Variants in ZNF722 observed in about 807,000 individuals in gnomAD.
ZNF722 encodes the protein zinc finger protein 722, also known as zinc finger protein 479 pseudogene.
the ZNF722 span, among the ~76,000 whole-genome samples, chr7:64,003,280 A>G: frequency 2.4e-3 from 364 of 149,986 alleles, 1 homozygote; most frequent in African/African-American, 8.3e-3. Flanking sequence ...GGAGAAGCTC[A>G]TTGTTCTCTC....
the ZNF722 span, among the ~76,000 whole-genome samples, chr7:64,009,161 T>C: frequency 6.6e-6 from 1 of 152,186 alleles, no homozygotes; most frequent in East Asian, 1.9e-4. Flanking sequence ...CAATGGGGTT[T>C]TGTAAATATA....
chr7:64,011,143 C>G, the ZNF722 span, among the ~76,000 whole-genome samples: 6 of 151,932 alleles, frequency 3.9e-5, no homozygotes, highest in Non-Finnish European at 7.4e-5. Flanking sequence ...CTATGGATGT[C>G]TCTGCATGTG....
the ZNF722 span, among the ~76,000 whole-genome samples, chr7:64,005,157 G>C: frequency 6.6e-6 from 1 of 152,076 alleles, no homozygotes; most frequent in African/African-American, 2.4e-5. Flanking sequence ...AAATCAGCCA[G>C]GCATGGTGGC....
At chr7:64,008,688 G>T in the ZNF722 span, among the ~76,000 whole-genome samples, 1 of 152,174 alleles carries the variant, frequency 6.6e-6, no homozygotes, top group Non-Finnish European at 1.5e-5. Flanking sequence ...GATGCCTCCA[G>T]CTTTGTTCTT....
At chr7:64,004,425 A>AAAAAAAAAAAAAAATATATATATATAT in the ZNF722 span, among the ~76,000 whole-genome samples, 1 of 61,116 alleles carries the variant, frequency 1.6e-5, no homozygotes, top group African/African-American at 8.0e-5. Flanking sequence ...AAAAAAAAAA[A>AAAAAAAAAAAAAAATATATATATATAT]ATATATATAT....
the ZNF722 span, among the ~76,000 whole-genome samples, chr7:64,013,234 GT>G: frequency 6.6e-6 from 1 of 151,816 alleles, no homozygotes; most frequent in Non-Finnish European, 1.5e-5. Context: ...AGGTCTTAAT[GT>G]TTATAATTTT....
At chr7:64,008,853 A>G in the ZNF722 span, among the ~76,000 whole-genome samples, 2 of 152,096 alleles carry the variant, frequency 1.3e-5, no homozygotes, top group African/African-American at 4.8e-5. Flanking sequence ...CATTTTCACA[A>G]TATTCATTCT....
At chr7:63,999,431 T>C in the ZNF722 span, among the ~76,000 whole-genome samples, 2 of 152,288 alleles carry the variant, frequency 1.3e-5, no homozygotes, top group South Asian at 4.1e-4. Flanking sequence ...ATTAGAGAAC[T>C]TGATCAAAGT....
chr7:63,998,999 T>C, the ZNF722 span: 1 of 1,575,816 alleles, frequency 6.3e-7, no homozygotes, highest in Non-Finnish European at 8.7e-7. Context: ...AGCCGAGAAA[T>C]GGTGAGTGCT....
At chr7:64,007,362 G>T in the ZNF722 span, among the ~76,000 whole-genome samples, 3 of 151,886 alleles carry the variant, frequency 2.0e-5, 1 homozygote, top group South Asian at 6.2e-4. Flanking sequence ...ATGTACATTA[G>T]GTATTTCTCC....
chr7:64,013,493 G>T, the ZNF722 span, among the ~76,000 whole-genome samples: 1 of 151,540 alleles, frequency 6.6e-6, no homozygotes, highest in South Asian at 2.1e-4. Context: ...ACCTGTTAAA[G>T]TTACAACAGT....
At chr7:64,004,441 T>TATATAC in the ZNF722 span, among the ~76,000 whole-genome samples, 1 of 132,836 alleles carries the variant, frequency 7.5e-6, no homozygotes, top group East Asian at 2.1e-4. Flanking sequence ...TATATATATA[T>TATATAC]ATATATATAT....
the ZNF722 span, among the ~76,000 whole-genome samples, chr7:64,007,814 C>T: frequency 2.0e-5 from 3 of 152,184 alleles, no homozygotes; most frequent in Non-Finnish European, 4.4e-5. Context: ...TGAGGAATCG[C>T]CACACTGTCT....
At chr7:64,000,436 CTT>C in the ZNF722 span, among the ~76,000 whole-genome samples, 25 of 23,676 alleles carry the variant, frequency 1.1e-3, no homozygotes, top group East Asian at 0.017. Context: ...CATGCCCGGC[CTT>C]TTTTTTTTTT....
chr7:64,004,426 A>AAAAAAAAAAAATATATATATATG, the ZNF722 span, among the ~76,000 whole-genome samples: 8 of 47,662 alleles, frequency 1.7e-4, no homozygotes, highest in Non-Finnish European at 2.6e-4. Flanking sequence ...AAAAAAAAAA[A>AAAAAAAAAAAATATATATATATG]TATATATATA....
the ZNF722 span, among the ~76,000 whole-genome samples, chr7:64,004,253 T>A: frequency 3.5e-5 from 5 of 143,434 alleles, no homozygotes; most frequent in East Asian, 2.0e-4. Flanking sequence ...AAAAAAAAAA[T>A]ACAAAAATTA....
chr7:64,016,555 T>C, the ZNF722 span, among the ~76,000 whole-genome samples: 1 of 152,162 alleles, frequency 6.6e-6, no homozygotes, highest in African/African-American at 2.4e-5. Context: ...TTTTAACTAG[T>C]CTTGAACCCT....
At chr7:64,015,820 C>A in the ZNF722 span, 2 of 1,608,374 alleles carry the variant, frequency 1.2e-6, no homozygotes, top group Non-Finnish European at 1.7e-6. Flanking sequence ...GGAGAGAAAC[C>A]CTACAAATGT....
At chr7:64,003,674 A>G in the ZNF722 span, among the ~76,000 whole-genome samples, 2 of 151,898 alleles carry the variant, frequency 1.3e-5, no homozygotes, top group African/African-American at 4.8e-5. Flanking sequence ...GAAAAAAAAT[A>G]TTTTTTCTAT....
Sources: allele counts gnomAD v4.1 joint callset (sites outside exome capture counted in the v4.1 genomes callset), GRCh38; gene constraint gnomAD v4.1.1; transcripts MANE v1.5; gene names NCBI Gene and HGNC (gene_info 2026-07-23, HGNC 2026-07-21).